Variants in EYS observed in about 807,000 individuals in gnomAD.
EYS encodes EGF-like photoreceptor maintenance factor, also known as protein eyes shut homolog.
A neutral mutation model predicts 282.1 loss-of-function variants in EYS; 250 were observed. That is an observed-to-expected ratio of 0.89 (90% CI 0.80 to 0.98). The LOEUF (loss-of-function observed/expected upper bound fraction) is 0.98, where lower values mean the gene tolerates loss of function less well. EYS is among the 50% of genes least tolerant of loss of function. The probability of loss-of-function intolerance (pLI) is 0.00; values close to 1 mark genes in which losing one functional copy is unlikely to be tolerated. For synonymous variants in EYS, 1,355 were observed against 1,282.9 expected (o/e 1.06, Z -1.20); for missense variants, 4,016 against 3,709.0 (o/e 1.08, Z -2.15).
intron 28 of EYS, among the ~76,000 whole-genome samples, chr6:64,424,457 G>A (rs929415802): frequency 6.6e-6 from 1 of 152,160 alleles, no homozygotes; most frequent in Non-Finnish European, 1.5e-5. Flanking sequence ...AAATATTTGT[G>A]ACTAAGTCTA....
At chr6:64,803,568 C>T (rs1764328090) in intron 22 of EYS, among the ~76,000 whole-genome samples, 1 of 152,216 alleles carries the variant, frequency 6.6e-6, no homozygotes, top group African/African-American at 2.4e-5. Context: ...CCCCTTTCTG[C>T]CCAGGAGCCT....
chr6:65,074,238 T>C (rs767888417), intron 12 of EYS, among the ~76,000 whole-genome samples: 3 of 152,036 alleles, frequency 2.0e-5, no homozygotes, highest in Non-Finnish European at 1.5e-5. Context: ...ATACTGGTCC[T>C]GAACTCTGTA....
At chr6:64,340,845 T>A (rs1039748977) in intron 29 of EYS, among the ~76,000 whole-genome samples, 1 of 151,658 alleles carries the variant, frequency 6.6e-6, no homozygotes, top group Non-Finnish European at 1.5e-5. Context: ...CCAGAATCTA[T>A]CAATAACTTA....
In EYS at chr6:65,492,549, A is replaced by G. The variant is rs193250347; in HGVS notation, c.749-1842T>C. ...GAAATTTTCTGGCCAAATGTTCTTT[A>G]AAACTCTTTGGACAGGTGAAAATGG... On this transcript the variant is annotated intron_variant, in intron 4 of 42. Transcript: ENST00000503581. Among the ~76,000 whole-genome samples, 163 of 152,314 alleles carry G rather than the reference A, an allele frequency of 1.1e-3. 1 individual carries two copies. The highest frequency in any genetic ancestry group is 6.8e-3 in the Middle Eastern group (2 of 294).
intron 33 of EYS, among the ~76,000 whole-genome samples, chr6:64,024,435 AC>A (rs929705198): frequency 6.6e-6 from 1 of 152,060 alleles, no homozygotes; most frequent in African/African-American, 2.4e-5. Flanking sequence ...ACCAATCAGC[AC>A]CCTGTCAAAA....
At chr6:64,842,560 T>C (rs967117611) in intron 19 of EYS, among the ~76,000 whole-genome samples, 1 of 151,858 alleles carries the variant, frequency 6.6e-6, no homozygotes, top group African/African-American at 2.4e-5. Context: ...AGAGACTTGT[T>C]GAATGGCTTT....
At chr6:64,475,682 A>T (rs1166656209) in intron 26 of EYS, among the ~76,000 whole-genome samples, 1 of 152,106 alleles carries the variant, frequency 6.6e-6, no homozygotes, top group Non-Finnish European at 1.5e-5. Context: ...TTGCTCTATT[A>T]AAAAAGTCAC....
At chr6:64,916,706 A>T (rs867094557) in intron 15 of EYS, among the ~76,000 whole-genome samples, 1 of 152,198 alleles carries the variant, frequency 6.6e-6, no homozygotes, top group Non-Finnish European at 1.5e-5. Flanking sequence ...AAAAAAATGC[A>T]AAGCACATAC....
intron 11 of EYS, among the ~76,000 whole-genome samples, chr6:65,318,260 C>T (rs1769369624): frequency 6.6e-6 from 1 of 151,826 alleles, no homozygotes. Flanking sequence ...CTTCTCACTC[C>T]TCTTTTCCAG....
intron 28 of EYS, among the ~76,000 whole-genome samples, chr6:64,416,287 A>G (rs1439939520): frequency 6.6e-6 from 1 of 152,186 alleles, no homozygotes; most frequent in African/African-American, 2.4e-5. Context: ...ATAATCAAAA[A>G]GAATAAGAAC....
intron 2 of EYS, among the ~76,000 whole-genome samples, chr6:65,574,969 A>T (rs1764607561): frequency 6.6e-6 from 1 of 152,150 alleles, no homozygotes. Context: ...GAGAAATTTC[A>T]AAAAAGAATA....
intron 14 of EYS, among the ~76,000 whole-genome samples, chr6:64,989,330 T>C (rs1194829488): frequency 2.1e-5 from 3 of 144,608 alleles, no homozygotes; most frequent in Non-Finnish European, 3.0e-5. Context: ...TAGATCATTC[T>C]CTATCAGTTC....
At chr6:64,781,904 C>T (rs1773874791) in intron 22 of EYS, among the ~76,000 whole-genome samples, 1 of 152,172 alleles carries the variant, frequency 6.6e-6, no homozygotes, top group African/African-American at 2.4e-5. Context: ...TGTTTCCTCT[C>T]ATAAAACATG....
At position 65,584,374 on chromosome 6, in the gene EYS, C is replaced by G. The variant is rs146909420; in HGVS notation, c.-333+55404G>C. 2.9e-3 allele frequency among the ~76,000 whole-genome samples: 437 copies of G among 152,040 alleles called. 2 individuals are homozygous for G. The highest frequency in any genetic ancestry group is 9.9e-3 in the African/African-American group (411 of 41,502). On this transcript the variant is annotated intron_variant, in intron 2 of 42. Transcript: ENST00000503581. ...GAACTCCACACAACAGAAAATTATC[C>G]AATCCAAAAGAGTAATGTCAACATT...
chr6:65,381,672 T>TA (rs1226300441), intron 8 of EYS, among the ~76,000 whole-genome samples: 1 of 152,058 alleles, frequency 6.6e-6, no homozygotes, highest in Non-Finnish European at 1.5e-5. Flanking sequence ...TTTGAACATT[T>TA]AAAATGTGTA....
At chr6:65,174,537 TG>T (rs1765181741) in intron 12 of EYS, among the ~76,000 whole-genome samples, 1 of 151,302 alleles carries the variant, frequency 6.6e-6, no homozygotes, top group African/African-American at 2.4e-5. Flanking sequence ...TAAAGTCAAT[TG>T]ATATGTCAAC....
chr6:64,662,469 A>G (rs1030577048), intron 22 of EYS, among the ~76,000 whole-genome samples: 1 of 152,186 alleles, frequency 6.6e-6, no homozygotes, highest in African/African-American at 2.4e-5. Flanking sequence ...TCTGTTCAGA[A>G]GAGAAAAATA....
At chr6:65,275,242 C>T (rs565057775) in intron 12 of EYS, among the ~76,000 whole-genome samples, 1 of 152,272 alleles carries the variant, frequency 6.6e-6, no homozygotes, top group South Asian at 2.1e-4. Context: ...AACTATGCTC[C>T]TTTTGAGAAA....
intron 2 of EYS, among the ~76,000 whole-genome samples, chr6:65,567,032 TTA>T (rs1305297305): frequency 6.6e-6 from 1 of 151,972 alleles, no homozygotes; most frequent in Non-Finnish European, 1.5e-5. Context: ...ATAAAGGTGC[TTA>T]GATCATGAGG....
Sources: allele counts gnomAD v4.1 joint callset (sites outside exome capture counted in the v4.1 genomes callset), GRCh38; gene constraint gnomAD v4.1.1; transcripts MANE v1.5; gene names NCBI Gene and HGNC (gene_info 2026-07-23, HGNC 2026-07-21).